The following NLRC4 variants were observed in gnomAD, a reference collection of about 807,000 sequenced individuals.
The protein encoded by NLRC4 is NLR family CARD domain-containing protein 4.
A neutral mutation model predicts 79.9 loss-of-function variants in NLRC4; 63 were observed. The ratio of observed to expected loss-of-function variants is 0.79; its 90% confidence interval spans 0.64 to 0.97. The LOEUF (loss-of-function observed/expected upper bound fraction) is 0.97. Ranked by LOEUF, NLRC4 falls within the 50% of genes least tolerant of loss-of-function variation. NLRC4 has a pLI of 0.00. For missense variants in NLRC4, 1,074 were observed against 1,215.2 expected (o/e 0.88, Z 1.73); for synonymous variants, 461 against 456.5 (o/e 1.01, Z -0.12).
At chr2:32,252,344 T>A (rs1481498116) in intron 3 of NLRC4, 75 bp downstream of exon 3, 2 of 1,078,354 alleles carry the variant, frequency 1.9e-6, no homozygotes, top group African/African-American at 3.1e-5. Flanking sequence ...GCAGAGGCTC[T>A]GCCATGGGGA....
At position 32,250,397 on chromosome 2, in the gene NLRC4, G is replaced by C. The variant is rs1203856404; in HGVS notation, c.1467C>G (p.Ser489Arg). 1 of 1,614,184 alleles carries C rather than the reference G, an allele frequency of 6.2e-7. No individual in the cohort carries two copies. The highest frequency in any genetic ancestry group is 8.5e-7 in the Non-Finnish European group (1 of 1,180,028). ...ATGACCCACAGGTGTACCGGAGCAG[G>C]CTGCTATAAGTGGATGTAATGTCCG... is the stretch of plus-strand genomic sequence containing the variant. Reference protein sequence around the residue: ...SISDITSTYSSLLRYTCGSSV... With the variant: ...SISDITSTYSRLLRYTCGSSV... Residue 489 changes from serine (S) to arginine (R), a missense_variant, in exon 4 of 9, where the codon AGC becomes AGG. Transcript: ENST00000402280. The surrounding 1 kb of genome is among the most constrained non-coding windows in gnomAD (Gnocchi z 4.9).
chr2:32,245,949 C>T (rs565626011), intron 4 of NLRC4, among the ~76,000 whole-genome samples: 57 of 151,926 alleles, frequency 3.8e-4, no homozygotes, highest in African/African-American at 1.3e-3. Context: ...TTTGGGAGGC[C>T]GAGGCGGGTG....
chr2:32,225,653 C>T (rs1216108735), intron 8 of NLRC4, among the ~76,000 whole-genome samples: 4 of 152,164 alleles, frequency 2.6e-5, no homozygotes, highest in African/African-American at 2.4e-5. Flanking sequence ...AAGCGTTAGC[C>T]CTACCCACCT....
At chr2:32,247,656 A>G (rs1399883267) in intron 4 of NLRC4, among the ~76,000 whole-genome samples, 1 of 151,966 alleles carries the variant, frequency 6.6e-6, no homozygotes, top group East Asian at 1.9e-4. Flanking sequence ...ACATACATAT[A>G]TGTATCTATG....
intron 6 of NLRC4, among the ~76,000 whole-genome samples, chr2:32,237,169 G>GT (rs1468857475): frequency 1.3e-5 from 2 of 152,080 alleles, no homozygotes; most frequent in African/African-American, 4.8e-5. Flanking sequence ...TCTAGCTGAA[G>GT]TTTTTTCTGT....
rs1455980346 is a variant in NLRC4 at position 32,252,603 on chromosome 2, G to T, written c.78C>A (p.Asp26Glu). The T allele has an allele frequency of 6.2e-7, 1 of 1,613,898 alleles. No homozygotes were observed. Among genetic ancestry groups the T allele is most frequent in the Non-Finnish European group, 8.5e-7 (1 of 1,179,782 alleles). The change falls in exon 3 of 9, where the codon GAC becomes GAA. Residue 26 changes from aspartate to glutamate, a missense_variant. Physicochemically the swap from Asp to Glu is conservative, Grantham distance 45. Transcript: ENST00000402280. Reference sequence around the variant, plus strand: ...GATTCAGAACATTCCATACAAATAGGTCATCTGTGATTTGCTTTATAACAG... The same window carrying T: ...GATTCAGAACATTCCATACAAATAGTTCATCTGTGATTTGCTTTATAACAG... Reference protein sequence around the residue: ...GMTVIKQITDDLFVWNVLNRE... With the variant: ...GMTVIKQITDELFVWNVLNRE...
intron 4 of NLRC4, among the ~76,000 whole-genome samples, chr2:32,243,001 T>C (rs540060307): frequency 6.6e-6 from 1 of 151,954 alleles, no homozygotes; most frequent in East Asian, 1.9e-4. Context: ...TGAAGTGTGA[T>C]GACACCACTG....
chr2:32,260,691 C>T (rs748225920), intron 1 of NLRC4, among the ~76,000 whole-genome samples: 1 of 152,200 alleles, frequency 6.6e-6, no homozygotes, highest in Admixed American at 6.5e-5. Flanking sequence ...TTCAACATGG[C>T]GGATCCATCT....
At chr2:32,242,998 T>G (rs151219412) in intron 4 of NLRC4, among the ~76,000 whole-genome samples, 7 of 151,108 alleles carry the variant, frequency 4.6e-5, no homozygotes, top group Admixed American at 4.6e-4. Context: ...CAATGAAGTG[T>G]GATGACACCA....
intron 6 of NLRC4, among the ~76,000 whole-genome samples, chr2:32,237,920 T>G (rs1282493655): frequency 6.6e-6 from 1 of 152,226 alleles, no homozygotes; most frequent in African/African-American, 2.4e-5. Flanking sequence ...CTTCAATTAT[T>G]CTGAAATTCT....
intron 8 of NLRC4, among the ~76,000 whole-genome samples, chr2:32,233,339 ATATATATATATTTTTT>A (rs1314420835): frequency 9.1e-5 from 4 of 43,972 alleles, no homozygotes; most frequent in Non-Finnish European, 1.7e-4. Flanking sequence ...ATATATATAT[ATATATATATATTTTTT>A]TTTTTTTTTT....
chr2:32,233,349 A>ATATATATATTTTT (rs1418146489), intron 8 of NLRC4, among the ~76,000 whole-genome samples: 1 of 41,100 alleles, frequency 2.4e-5, no homozygotes, highest in African/African-American at 9.5e-5. Context: ...ATATATATAT[A>ATATATATATTTTT]TTTTTTTTTT....
Position 32,251,317 on chromosome 2 carries a change from C to T in NLRC4, c.547G>A (p.Ala183Thr), listed in dbSNP as rs1687072336. 6.2e-7 allele frequency: 1 copy of T among 1,614,148 alleles called. No homozygotes were observed. The highest frequency in any genetic ancestry group is 8.5e-7 in the Non-Finnish European group (1 of 1,180,032). ...KGKSTLLQRI[A>T]MLWGSGKCKA... ...CACTTTCCGGAGCCCCAGAGCATGG[C>T]AATTCGCTGCAGCAGAGTGGACTTG... is the stretch of plus-strand genomic sequence containing the variant. Residue 183 changes from alanine to threonine, a missense_variant, in exon 4 of 9, where the codon GCC (alanine) becomes ACC (threonine). Physicochemically the swap from Ala to Thr is moderately conservative, Grantham distance 58. Coordinates refer to ENST00000402280, the MANE Select transcript of NLRC4 (RefSeq NM_001199138.2).
intron 1 of NLRC4, among the ~76,000 whole-genome samples, chr2:32,260,594 G>A (rs2148948436): frequency 6.6e-6 from 1 of 152,288 alleles, no homozygotes; most frequent in South Asian, 2.1e-4. Flanking sequence ...GAAAAATCAA[G>A]CTGCAAGTAT....
At chr2:32,264,093 C>T (rs1394835445) in intron 1 of NLRC4, among the ~76,000 whole-genome samples, 1 of 152,070 alleles carries the variant, frequency 6.6e-6, no homozygotes, top group Non-Finnish European at 1.5e-5. Flanking sequence ...CCACCTCGTT[C>T]CTTTCAGCTT....
At chr2:32,245,477 A>G (rs1686913753) in intron 4 of NLRC4, among the ~76,000 whole-genome samples, 1 of 152,142 alleles carries the variant, frequency 6.6e-6, no homozygotes, top group South Asian at 2.1e-4. Flanking sequence ...GAGGCTGGGA[A>G]GGGTAGTAGG....
intron 8 of NLRC4, among the ~76,000 whole-genome samples, chr2:32,235,053 T>A (rs1038341453): frequency 2.0e-5 from 3 of 152,256 alleles, no homozygotes; most frequent in African/African-American, 7.2e-5. Context: ...CGCCTTTATA[T>A]GTTTTGAATA....
In NLRC4 at chr2:32,252,692, G is replaced by A. The variant is rs374972234; in HGVS notation, c.2-13C>T. The A allele has an allele frequency of 1.9e-6, 3 of 1,607,662 alleles. No individual in the cohort carries two copies. Among genetic ancestry groups the A allele is most frequent in the Non-Finnish European group, 1.7e-6 (2 of 1,174,502 alleles). On this transcript the variant is annotated splice_polypyrimidine_tract_variant and intron_variant, in intron 2 of 8. Transcript: ENST00000402280. ...TTTATGAAATTCACTGAGGAGATGG[G>A]GAGAAATATACATATTTATTTACTT...
chr2:32,265,247 C>G (rs978366761), upstream of NLRC4, among the ~76,000 whole-genome samples: 50 of 152,126 alleles, frequency 3.3e-4, no homozygotes, highest in African/African-American at 1.1e-3. Context: ...GTGGCACAAT[C>G]TCAGCTCACT....
Sources: allele counts gnomAD v4.1 joint callset (sites outside exome capture counted in the v4.1 genomes callset), GRCh38; gene constraint gnomAD v4.1.1; non-coding constraint Gnocchi (gnomAD v3.1); transcripts MANE v1.5; gene names NCBI Gene and HGNC (gene_info 2026-07-23, HGNC 2026-07-21).